DIP2B: variants seen among roughly 807,000 people sequenced by gnomAD.
The protein encoded by DIP2B is DIP2 acetate--CoA ligase B (putative).
Under a neutral mutation model 198.0 loss-of-function variants are expected in DIP2B, and 76 were observed. The ratio of observed to expected loss-of-function variants is 0.38; its 90% CI spans 0.32 to 0.46. DIP2B has a LOEUF of 0.46. Among genes scored for constraint, DIP2B ranks in the 20% least tolerant of loss-of-function variants. The pLI is 0.99. For synonymous variants in DIP2B, 701 were observed against 739.1 expected, an observed-to-expected ratio of 0.95 and a Z score of 0.84; for missense variants, 1,559 against 1,978.4, an observed-to-expected ratio of 0.79 and a Z score of 4.02.
At chr12:50,683,033 T>G in intron 9 of DIP2B, 105 bp from the exon 10 acceptor site, 1 of 967,844 alleles carries the variant, frequency 1.0e-6, no homozygotes, top group Non-Finnish European at 1.5e-6. Context: ...TTAAATAGTT[T>G]GATTTATTGT....
At chr12:50,564,815 T>A (rs1423252779) in intron 1 of DIP2B, among the ~76,000 whole-genome samples, 3 of 152,186 alleles carry the variant, frequency 2.0e-5, no homozygotes, top group Admixed American at 2.0e-4. Context: ...AAGTCCATAA[T>A]CTTTTACTTT....
chr12:50,643,405 CTGTGTGTGTGTGTG>C lies in DIP2B; in HGVS notation c.301+2587_301+2600del, dbSNP rs57483938. Among the ~76,000 whole-genome samples the C allele has an allele frequency of 9.7e-3, 1,272 of 131,186 alleles. 22 individuals carry two copies. The highest frequency in any genetic ancestry group is 0.032 in the African/African-American group (1,130 of 35,348). The allele number at this position is 131,186 out of a possible 152,430, so 86.1% of individuals were successfully genotyped here. A position where few individuals can be genotyped will look rare whatever the true frequency, so the allele number is the denominator to read the frequency against. ...TATGTTAATCTCACTGGGAGTTTTT[CTGTGTGTGTGTGTG>C]TGTGTGTGTGTGTGTGTGTGTGTGT... On this transcript the variant is annotated intron_variant, in intron 3 of 37. Coordinates refer to ENST00000301180, the MANE Select transcript of DIP2B (RefSeq NM_173602.3).
At chr12:50,731,323 A>T (rs760462969) in intron 30 of DIP2B, 46 bp from the exon 31 acceptor site, 1 of 1,594,590 alleles carries the variant, frequency 6.3e-7, no homozygotes, top group Non-Finnish European at 8.6e-7. Flanking sequence ...AGCATCAGGT[A>T]TCCAGGATGA....
At chr12:50,571,677 C>G (rs892670323) in intron 1 of DIP2B, among the ~76,000 whole-genome samples, 1 of 151,532 alleles carries the variant, frequency 6.6e-6, no homozygotes, top group Admixed American at 6.6e-5. Context: ...CTCAGCCTCC[C>G]AAGTAACTGG....
At chr12:50,672,189 TA>T (rs1222819605) in intron 5 of DIP2B, among the ~76,000 whole-genome samples, 3 of 152,210 alleles carry the variant, frequency 2.0e-5, no homozygotes, top group African/African-American at 7.2e-5. Flanking sequence ...TATCACCTAA[TA>T]TATCTTTATT....
At position 50,629,961 on chromosome 12, in the gene DIP2B, T is replaced by G. The variant is rs924033874; in HGVS notation, c.172+3914T>G. Among the ~76,000 whole-genome samples, 38 of 137,280 alleles carry G rather than the reference T, an allele frequency of 2.8e-4. 1 individual carries two copies. The highest frequency in any genetic ancestry group is 2.4e-3 in the Admixed American group (33 of 13,778). 90.1% of individuals were successfully genotyped at this position (137,280 alleles called of 152,430 possible). ...TGGTAAATTTAATTTTTTTTTTTTT[T>G]TTTTTAATGAGACAGTCCTTGCTCT... On this transcript the variant is annotated intron_variant, in intron 2 of 37. Coordinates refer to ENST00000301180, the MANE Select transcript of DIP2B (RefSeq NM_173602.3).
intron 2 of DIP2B, among the ~76,000 whole-genome samples, chr12:50,628,619 C>T (rs1937982638): frequency 1.3e-5 from 2 of 152,182 alleles, no homozygotes; most frequent in Admixed American, 6.5e-5. Context: ...CGTCCCTCAG[C>T]AGTTCATCAT....
intron 4 of DIP2B, among the ~76,000 whole-genome samples, chr12:50,660,541 T>G (rs1336234101): frequency 1.3e-5 from 2 of 151,892 alleles, no homozygotes; most frequent in Non-Finnish European, 2.9e-5. Context: ...AAAAAAACTT[T>G]CCTTCTGAAT....
At chr12:50,727,638 G>T (rs983554673) in intron 28 of DIP2B, 65 bp from the exon 29 acceptor site, 10 of 1,472,172 alleles carry the variant, frequency 6.8e-6, no homozygotes, top group Middle Eastern at 1.7e-4. Context: ...CAAAGCCACA[G>T]AAGAGCAATG....
chr12:50,691,529 T>A lies in DIP2B; in HGVS notation c.1654+378T>A, dbSNP rs142954630. Among the ~76,000 whole-genome samples the A allele has an allele frequency of 7.2e-5, 11 of 152,318 alleles. No homozygotes were observed. The East Asian group carries it at 2.1e-3, about 29-fold the overall frequency. ...AAGCATAAATTAAAACACAAAAATG[T>A]ATTCGATATTTTTGAACTTTAGATA... On this transcript the variant is annotated intron_variant, in intron 13 of 37. Coordinates refer to ENST00000301180, the MANE Select transcript of DIP2B (RefSeq NM_173602.3).
At chr12:50,695,504 G>A in intron 15 of DIP2B, 144 bp downstream of exon 15, 1 of 800,166 alleles carries the variant, frequency 1.2e-6, no homozygotes, top group South Asian at 1.7e-5. Context: ...TAGGTACCTT[G>A]CCTGTTCATC....
At chr12:50,735,981 A>G (rs1940132293) in intron 34 of DIP2B, among the ~76,000 whole-genome samples, 1 of 152,230 alleles carries the variant, frequency 6.6e-6, no homozygotes, top group East Asian at 1.9e-4. Flanking sequence ...GTGAGAAGCA[A>G]TTTACTAAGG....
chr12:50,588,452 A>T (rs900726845), intron 1 of DIP2B, among the ~76,000 whole-genome samples: 1 of 152,168 alleles, frequency 6.6e-6, no homozygotes, highest in Non-Finnish European at 1.5e-5. Context: ...GCCCGGCCTG[A>T]TTCATCAGTA....
chr12:50,681,600 A>G (rs1355048639), intron 9 of DIP2B, among the ~76,000 whole-genome samples: 2 of 152,154 alleles, frequency 1.3e-5, no homozygotes, highest in African/African-American at 4.8e-5. Context: ...ATTTTTGAAG[A>G]TATTTTTCCT....
chr12:50,711,904 C>T (rs1182818667), intron 22 of DIP2B, among the ~76,000 whole-genome samples: 1 of 152,196 alleles, frequency 6.6e-6, no homozygotes, highest in Non-Finnish European at 1.5e-5. Context: ...CATGGTGGCT[C>T]ATGCTTCTAG....
intron 1 of DIP2B, among the ~76,000 whole-genome samples, chr12:50,575,206 A>T (rs1019772063): frequency 3.0e-4 from 45 of 152,028 alleles, no homozygotes; most frequent in African/African-American, 1.0e-3. Context: ...CCATATTTGT[A>T]TCCAGCTCTC....
chr12:50,682,517 T>C (rs1939058696), intron 9 of DIP2B, among the ~76,000 whole-genome samples: 1 of 150,322 alleles, frequency 6.7e-6, no homozygotes, highest in African/African-American at 2.5e-5. Context: ...TAGTCCCAGC[T>C]ACTCGGGAGG....
At position 50,540,053 on chromosome 12, in the gene DIP2B, G is replaced by GTTTTTTTTTTTTT. The variant is rs60978324; in HGVS notation, c.100+34830_100+34842dup. On this transcript the variant is annotated intron_variant, in intron 1 of 37. Coordinates refer to ENST00000301180, the MANE Select transcript of DIP2B (RefSeq NM_173602.3). ...TGGCAGGTAGTTTAGTTGTTTCTGT[G>GTTTTTTTTTTTTT]TTTTTTTTTTTTTTTTTTTTTTTTT... Among the ~76,000 whole-genome samples the GTTTTTTTTTTTTT allele has an allele frequency of 8.8e-4, 39 of 44,162 alleles. 1 individual carries two copies. Among genetic ancestry groups the GTTTTTTTTTTTTT allele is most frequent in the East Asian group, 3.8e-3 (6 of 1,598 alleles). 29.0% of individuals were successfully genotyped at this position (44,162 alleles called of 152,430 possible).
chr12:50,742,444 A>G (rs1940268253), intron 37 of DIP2B, among the ~76,000 whole-genome samples: 1 of 143,092 alleles, frequency 7.0e-6, no homozygotes, highest in South Asian at 2.2e-4. Context: ...GTGTTTACCT[A>G]CTGGCTTTCA....
Sources: allele counts gnomAD v4.1 joint callset (sites outside exome capture counted in the v4.1 genomes callset), GRCh38; gene constraint gnomAD v4.1.1; transcripts MANE v1.5; gene names NCBI Gene and HGNC (gene_info 2026-07-23, HGNC 2026-07-21).